Variants in FAM120A observed in about 807,000 individuals in gnomAD.
The protein encoded by FAM120A is constitutive coactivator of PPAR-gamma-like protein 1.
Under a neutral mutation model 109.7 loss-of-function variants are expected in FAM120A, and 15 were observed. That is an observed-to-expected ratio of 0.14 (90% CI 0.09 to 0.21). The LOEUF (loss-of-function observed/expected upper bound fraction) is 0.21, where lower values mean the gene tolerates loss of function less well. Ranked by LOEUF, FAM120A falls within the 10% of genes least tolerant of loss-of-function variation. The pLI, the probability that FAM120A is intolerant of heterozygous loss-of-function variation, is 1.00. For synonymous variants in FAM120A, 493 were observed against 572.8 expected, an observed-to-expected ratio of 0.86 and a Z score of 1.99; for missense variants, 899 against 1,439.3, an observed-to-expected ratio of 0.62 and a Z score of 6.07.
chr9:93,542,661 T>G (rs970857711), intron 10 of FAM120A, among the ~76,000 whole-genome samples: 10 of 152,240 alleles, frequency 6.6e-5, no homozygotes, highest in African/African-American at 2.4e-4. Flanking sequence ...ACTTGGAATA[T>G]TTGCATCTAC....
rs571320685 is a variant in FAM120A at position 93,563,463 on chromosome 9, C to T, written c.3046-766C>T. Reference sequence around the variant, plus strand: ...TGGATTTTAATGGGTGAAGCCTAGACATTTTAACGGGTGAAGACAACATGA... The same window carrying T: ...TGGATTTTAATGGGTGAAGCCTAGATATTTTAACGGGTGAAGACAACATGA... On this transcript the variant is annotated intron_variant, in intron 17 of 17. Transcript: ENST00000277165. 5.3e-5 allele frequency among the ~76,000 whole-genome samples: 8 copies of T among 152,356 alleles called. No individual in the cohort carries two copies. In the South Asian group the frequency reaches 1.2e-3, roughly 24 times the overall value.
chr9:93,539,188 G>A (rs36016074), intron 10 of FAM120A, among the ~76,000 whole-genome samples: 42,336 of 151,914 alleles, frequency 0.28, 6,968 homozygotes, highest in East Asian at 0.42. Flanking sequence ...TAGTAGAGAC[G>A]GGGTTTCACC....
intron 10 of FAM120A, among the ~76,000 whole-genome samples, chr9:93,535,438 T>A (rs1400938412): frequency 6.6e-6 from 1 of 152,200 alleles, no homozygotes; most frequent in Non-Finnish European, 1.5e-5. Flanking sequence ...CAGATGACCT[T>A]TGCCTAGACA....
chr9:93,510,954 A>G (rs1860290495), intron 5 of FAM120A, among the ~76,000 whole-genome samples: 1 of 151,780 alleles, frequency 6.6e-6, no homozygotes, highest in Non-Finnish European at 1.5e-5. Context: ...AGGGATGGAA[A>G]GGATTTGGGG....
At chr9:93,541,281 T>C (rs1861689890) in intron 10 of FAM120A, among the ~76,000 whole-genome samples, 2 of 152,108 alleles carry the variant, frequency 1.3e-5, no homozygotes, top group South Asian at 4.2e-4. Flanking sequence ...GGAGCAGCCT[T>C]GGTGTTGGAT....
chr9:93,471,213 G>A lies in FAM120A; in HGVS notation c.547G>A (p.Val183Ile), dbSNP rs1858297078. The A allele has an allele frequency of 1.2e-6, 2 of 1,614,100 alleles. No individual in the cohort carries two copies. The highest frequency in any genetic ancestry group is 1.3e-5 in the African/African-American group (1 of 75,014). The change falls in exon 2 of 18, where the codon GTT (valine) becomes ATT (isoleucine). Residue 183 changes from valine to isoleucine, a missense_variant. By Grantham distance (29) the Val-to-Ile change is conservative (BLOSUM62 3). Coordinates refer to ENST00000277165, the MANE Select transcript of FAM120A (RefSeq NM_014612.5). ...CAGAGAGAATGGTTTCCATGGCTTG[G>A]TTGCGTATGACTCTGATTATGCACT... is the stretch of plus-strand genomic sequence containing the variant. ...FCRENGFHGL[V>I]AYDSDYALCN...
At chr9:93,514,722 G>A (rs1860489702) in intron 5 of FAM120A, among the ~76,000 whole-genome samples, 1 of 152,152 alleles carries the variant, frequency 6.6e-6, no homozygotes, top group Non-Finnish European at 1.5e-5. Context: ...GGCCCCAGTC[G>A]GTCCTTGTTA....
At chr9:93,563,273 G>C (rs565299044) in intron 17 of FAM120A, among the ~76,000 whole-genome samples, 1 of 152,332 alleles carries the variant, frequency 6.6e-6, no homozygotes, top group African/African-American at 2.4e-5. Context: ...ATGCGATGAC[G>C]AGCTGGAAGG....
At chr9:93,477,523 A>T (rs563354132) in intron 3 of FAM120A, among the ~76,000 whole-genome samples, 1 of 152,230 alleles carries the variant, frequency 6.6e-6, no homozygotes, top group Non-Finnish European at 1.5e-5. Flanking sequence ...GTGATCTGTC[A>T]TTCGGACTCT....
intron 3 of FAM120A, among the ~76,000 whole-genome samples, chr9:93,483,629 C>T (rs1205886334): frequency 6.6e-6 from 1 of 152,196 alleles, no homozygotes; most frequent in South Asian, 2.1e-4. Context: ...TCCCACTTCT[C>T]GGAGATAACC....
chr9:93,540,851 AT>A (rs576989909), intron 10 of FAM120A, among the ~76,000 whole-genome samples: 3 of 151,824 alleles, frequency 2.0e-5, no homozygotes, highest in Non-Finnish European at 2.9e-5. Context: ...TCTACCAATA[AT>A]TTTTTTTTAT....
At chr9:93,547,976 A>C (rs897097011) in intron 11 of FAM120A, among the ~76,000 whole-genome samples, 5 of 152,200 alleles carry the variant, frequency 3.3e-5, no homozygotes, top group African/African-American at 1.2e-4. Context: ...AGGAAATAGC[A>C]GATAGTCTGA....
chr9:93,499,917 A>G (rs1421708217), intron 5 of FAM120A, among the ~76,000 whole-genome samples: 2 of 152,224 alleles, frequency 1.3e-5, no homozygotes, highest in African/African-American at 4.8e-5. Context: ...GTATGCTAGG[A>G]ACTGGGCATT....
chr9:93,452,252 G>A lies in FAM120A; in HGVS notation c.337G>A (p.Gly113Ser), dbSNP rs1404622962. Residue 113 changes from glycine to serine, a missense_variant, in exon 1 of 18, where the codon GGC becomes AGC. Transcript: ENST00000277165. This position sits in a 1 kb window ranked among gnomAD's most constrained non-coding sequence, Gnocchi z 7.0. Reference protein sequence around the residue: ...ARLHEWVKRQGNERQTAQQIV... With the variant: ...ARLHEWVKRQSNERQTAQQIV... ...GCTGCACGAGTGGGTCAAGCGGCAG[G>A]GCAACGAGCGCCAGACGGCACAGCA... 1.2e-6 allele frequency: 2 copies of A among 1,610,774 alleles called. No individual in the cohort carries two copies. Among genetic ancestry groups the A allele is most frequent in the Non-Finnish European group, 1.7e-6 (2 of 1,179,362 alleles).
chr9:93,522,814 C>T (rs1221516653), intron 7 of FAM120A, among the ~76,000 whole-genome samples: 2 of 152,300 alleles, frequency 1.3e-5, no homozygotes, highest in East Asian at 1.9e-4. Flanking sequence ...ATCCCCCTCC[C>T]CTGTTAATTT....
At chr9:93,554,868 A>G (rs1862240901) in intron 12 of FAM120A, among the ~76,000 whole-genome samples, 1 of 152,196 alleles carries the variant, frequency 6.6e-6, no homozygotes, top group African/African-American at 2.4e-5. Flanking sequence ...CCCCTGGGCT[A>G]GAAGCAGCGG....
At chr9:93,519,678 C>T (rs1471857289) in intron 7 of FAM120A, among the ~76,000 whole-genome samples, 3 of 152,046 alleles carry the variant, frequency 2.0e-5, no homozygotes, top group Admixed American at 6.5e-5. Flanking sequence ...CTGTAGTGTA[C>T]GTTCAGTGAT....
At chr9:93,462,764 G>A (rs1462442652) in intron 1 of FAM120A, among the ~76,000 whole-genome samples, 1 of 152,122 alleles carries the variant, frequency 6.6e-6, no homozygotes, top group African/African-American at 2.4e-5. Flanking sequence ...TACCCTATGA[G>A]CCTCATATAA....
At chr9:93,457,190 T>C (rs773200567) in intron 1 of FAM120A, among the ~76,000 whole-genome samples, 11 of 152,322 alleles carry the variant, frequency 7.2e-5, no homozygotes, top group Non-Finnish European at 1.3e-4. Context: ...TAATGAATAA[T>C]GCTTCTATGA....
Sources: allele counts gnomAD v4.1 joint callset (sites outside exome capture counted in the v4.1 genomes callset), GRCh38; gene constraint gnomAD v4.1.1; non-coding constraint Gnocchi (gnomAD v3.1); transcripts MANE v1.5; gene names NCBI Gene and HGNC (gene_info 2026-07-23, HGNC 2026-07-21).